The following PID1 variants were observed in gnomAD, a reference collection of about 807,000 sequenced individuals.
The protein encoded by PID1 is PTB-containing, cubilin and LRP1-interacting protein.
Under a neutral mutation model 19.1 loss-of-function variants are expected in PID1, and 10 were observed. That is an observed-to-expected ratio of 0.52 (90% CI 0.32 to 0.89). PID1 has a LOEUF of 0.89. PID1 is among the 40% of genes least tolerant of loss of function. The probability of loss-of-function intolerance (pLI) is 0.03; values close to 1 mark genes in which losing one functional copy is unlikely to be tolerated. For synonymous variants in PID1, 130 were observed against 116.0 expected, an observed-to-expected ratio of 1.12 and a Z score of -0.78; for missense variants, 248 against 285.3, an observed-to-expected ratio of 0.87 and a Z score of 0.94.
At chr2:229,138,885 G>A (rs1242863242) in intron 2 of PID1, among the ~76,000 whole-genome samples, 8 of 150,900 alleles carry the variant, frequency 5.3e-5, no homozygotes, top group African/African-American at 1.7e-4. Context: ...ATGGAAAGCG[G>A]GTGGGGAAAA....
intron 2 of PID1, 36 bp from the exon 3 acceptor site, chr2:229,026,144 A>ACTGAT: frequency 7.0e-7 from 1 of 1,424,280 alleles, no homozygotes; most frequent in Non-Finnish European, 9.9e-7. Context: ...GGGAGGCATC[A>ACTGAT]GCAGAAGGCT....
intron 1 of PID1, among the ~76,000 whole-genome samples, chr2:229,175,274 A>G (rs1038697299): frequency 6.6e-6 from 1 of 152,222 alleles, no homozygotes; most frequent in African/African-American, 2.4e-5. Flanking sequence ...CAAGTCCACT[A>G]CAGATTCTCA....
In PID1 at chr2:229,239,589, T is replaced by A. The variant is rs564163419; in HGVS notation, c.30+31425A>T. Among the ~76,000 whole-genome samples the A allele has an allele frequency of 2.8e-4, 42 of 152,156 alleles. No homozygotes were observed. In the Middle Eastern group the frequency reaches 0.014, roughly 49 times the overall value. On this transcript the variant is annotated intron_variant, in intron 1 of 2. Transcript: ENST00000392055. ...TATGACTAGATTTAGGAATAGGGGA[T>A]GGAAAGAAAAAAATTTCACAATAAA...
chr2:229,058,727 G>GAAAAAAAA (rs5839294), intron 2 of PID1, among the ~76,000 whole-genome samples: 1 of 134,760 alleles, frequency 7.4e-6, no homozygotes. Flanking sequence ...GTAATAATTT[G>GAAAAAAAA]AAAAAAAAAA....
At chr2:229,215,466 T>C (rs1478964686) in intron 1 of PID1, among the ~76,000 whole-genome samples, 1 of 152,252 alleles carries the variant, frequency 6.6e-6, no homozygotes, top group Non-Finnish European at 1.5e-5. Flanking sequence ...TTTAGGGTAG[T>C]TCTGCCTGAA....
chr2:229,185,288 C>G (rs1691103355), intron 1 of PID1, among the ~76,000 whole-genome samples: 1 of 151,814 alleles, frequency 6.6e-6, no homozygotes, highest in Non-Finnish European at 1.5e-5. Flanking sequence ...ATCTGTCCGC[C>G]AAGACTCCAT....
chr2:229,148,037 G>A (rs992373465), intron 2 of PID1, among the ~76,000 whole-genome samples: 28 of 152,160 alleles, frequency 1.8e-4, no homozygotes, highest in Non-Finnish European at 3.8e-4. Context: ...ACAGCATTAA[G>A]CAAGGGCCAA....
intron 2 of PID1, among the ~76,000 whole-genome samples, chr2:229,107,527 AG>A (rs1244438628): frequency 1.3e-5 from 2 of 151,518 alleles, no homozygotes; most frequent in Non-Finnish European, 2.9e-5. Flanking sequence ...AAAAGAAAAA[AG>A]CTGAAATTCA....
chr2:229,079,673 G>T (rs1403393009), intron 2 of PID1, among the ~76,000 whole-genome samples: 3 of 152,186 alleles, frequency 2.0e-5, no homozygotes, highest in Non-Finnish European at 4.4e-5. Flanking sequence ...ATCTCCAGTT[G>T]TTCCATTTGA....
At chr2:229,201,818 C>T (rs1690233786) in intron 1 of PID1, among the ~76,000 whole-genome samples, 1 of 151,992 alleles carries the variant, frequency 6.6e-6, no homozygotes, top group Non-Finnish European at 1.5e-5. Flanking sequence ...GTAGGCTTCC[C>T]AATAGGTGTC....
chr2:229,112,392 T>C lies in PID1; in HGVS notation c.177+43426A>G, dbSNP rs1218324332. Among the ~76,000 whole-genome samples the C allele has an allele frequency of 3.3e-5, 5 of 152,228 alleles. No homozygotes were observed. The South Asian group carries it at 1.0e-3, about 31-fold the overall frequency. The stretch of plus-strand genomic sequence containing the variant: ...AGTTCACCACTGAAACGTTAAACGC[T>C]CCTTAGCAATGTACTCAGCTGTATT... On this transcript the variant is annotated intron_variant, in intron 2 of 2. Transcript: ENST00000392055.
At chr2:229,140,975 A>ATT (rs11430214) in intron 2 of PID1, among the ~76,000 whole-genome samples, 130 of 146,290 alleles carry the variant, frequency 8.9e-4, no homozygotes, top group African/African-American at 2.2e-3. Flanking sequence ...CAAATAAACT[A>ATT]TTTTTTTTTT....
chr2:229,211,294 T>C (rs1261859115), intron 1 of PID1, among the ~76,000 whole-genome samples: 3 of 151,988 alleles, frequency 2.0e-5, no homozygotes, highest in Non-Finnish European at 4.4e-5. Context: ...TCCCACATGA[T>C]CTAATATGCC....
rs372051688 is a variant in PID1, at chr2:229,168,880, G to A, written c.31-12916C>T. 1.9e-4 allele frequency among the ~76,000 whole-genome samples: 29 copies of A among 152,240 alleles called. No individual in the cohort carries two copies. In the South Asian group the frequency reaches 5.0e-3, roughly 26 times the overall value. ...CTAGTCTAGAACTGGGTTGAGTTTG[G>A]GTTTTATTGCTCTACCACAGGCTTC... On this transcript the variant is annotated intron_variant, in intron 1 of 2. Coordinates refer to ENST00000392055, the MANE Select transcript of PID1 (RefSeq NM_001100818.2).
chr2:229,219,472 C>T (rs1208613168), intron 1 of PID1, among the ~76,000 whole-genome samples: 1 of 152,192 alleles, frequency 6.6e-6, no homozygotes, highest in Non-Finnish European at 1.5e-5. Context: ...TCAATCACCT[C>T]CCACTGGGTC....
At chr2:229,057,417 T>C (rs943117895) in intron 2 of PID1, among the ~76,000 whole-genome samples, 6 of 150,460 alleles carry the variant, frequency 4.0e-5, no homozygotes, top group Admixed American at 4.0e-4. Context: ...GATCATGCCA[T>C]TGCACTCCAG....
intron 1 of PID1, among the ~76,000 whole-genome samples, chr2:229,168,076 C>T (rs1690639041): frequency 6.6e-6 from 1 of 152,070 alleles, no homozygotes; most frequent in African/African-American, 2.4e-5. Flanking sequence ...TTGTTTGTGA[C>T]TGCTTTTAAG....
chr2:229,034,804 A>T (rs1259169919), intron 2 of PID1, among the ~76,000 whole-genome samples: 1 of 152,112 alleles, frequency 6.6e-6, no homozygotes, highest in African/African-American at 2.4e-5. Flanking sequence ...ACATTTACAT[A>T]ATGTGATTTA....
At chr2:229,224,817 C>A (rs1692043375) in intron 1 of PID1, among the ~76,000 whole-genome samples, 1 of 106,834 alleles carries the variant, frequency 9.4e-6, no homozygotes, top group Non-Finnish European at 1.9e-5. Flanking sequence ...ACTTGACTGA[C>A]TGATGGATTC....
Sources: allele counts gnomAD v4.1 joint callset (sites outside exome capture counted in the v4.1 genomes callset), GRCh38; gene constraint gnomAD v4.1.1; transcripts MANE v1.5; gene names NCBI Gene and HGNC (gene_info 2026-07-23, HGNC 2026-07-21).